The following STEEP1 variants were observed in gnomAD, a reference collection of about 807,000 sequenced individuals.
The protein encoded by STEEP1 is STING1 ER exit protein 1, also known as STING ER exit protein.
Under a neutral mutation model 19.2 loss-of-function variants are expected in STEEP1, and 3 were observed. That is an observed-to-expected ratio of 0.16 (90% confidence interval 0.07 to 0.40). The LOEUF (loss-of-function observed/expected upper bound fraction) is 0.40. STEEP1 is among the 10% of genes least tolerant of loss of function. The pLI is 0.99. For synonymous variants in STEEP1, 46 were observed against 63.7 expected (o/e 0.72, Z 1.32); for missense variants, 54 against 177.1 (o/e 0.30, Z 3.94).
chrX:119,540,097 C>T (rs1465160983), intron 6 of STEEP1, among the ~76,000 whole-genome samples: 2 of 111,730 alleles, frequency 1.8e-5, no homozygotes, highest in African/African-American at 3.2e-5. Flanking sequence ...CTGTGGCATA[C>T]CAGTATGCTA....
At chrX:119,553,545 G>A (rs1330249902) in intron 2 of STEEP1, among the ~76,000 whole-genome samples, 1 of 111,641 alleles carries the variant, frequency 9.0e-6, no homozygotes, top group Non-Finnish European at 1.9e-5. Flanking sequence ...TACAGACTGT[G>A]CTGACCATCA....
intron 5 of STEEP1, 59 bp downstream of exon 5, chrX:119,542,446 C>T (rs2053171411): frequency 9.5e-6 from 8 of 841,722 alleles, no homozygotes; most frequent in South Asian, 2.1e-5. Flanking sequence ...GCTCTAGAGT[C>T]CCCTTTCCTC....
intron 2 of STEEP1, among the ~76,000 whole-genome samples, chrX:119,557,064 G>A (rs2053283679): frequency 9.7e-6 from 1 of 103,011 alleles, no homozygotes; most frequent in African/African-American, 3.5e-5. Flanking sequence ...GCTGAGGCAG[G>A]AGGATCACTT....
chrX:119,539,106 T>C lies in STEEP1; in HGVS notation c.*621A>G, dbSNP rs1045055677. ...GAAGAAAGAATAAAAGCAGCCACTTTAGAGACTGGAGACACTCAAGCACTC... is the reference window on the plus strand; with the variant it reads ...GAAGAAAGAATAAAAGCAGCCACTTCAGAGACTGGAGACACTCAAGCACTC... On this transcript the variant is annotated 3_prime_UTR_variant, in exon 7 of 7. Transcript: ENST00000644802. The C allele has an allele frequency of 3.6e-5, 4 of 112,389 alleles. No homozygotes were observed. The highest frequency in any genetic ancestry group is 1.3e-4 in the African/African-American group (4 of 30,939). The allele number at this position is 112,389 out of a possible 1,213,427, so 9.3% of individuals were successfully genotyped here.
intron 4 of STEEP1, among the ~76,000 whole-genome samples, chrX:119,543,291 G>A (rs766815562): frequency 2.7e-5 from 3 of 110,111 alleles, no homozygotes; most frequent in African/African-American, 9.9e-5. Context: ...GGGTTCAAGC[G>A]ATTCTCCTGC....
intron 3 of STEEP1, among the ~76,000 whole-genome samples, chrX:119,544,709 G>T (rs915127097): frequency 2.7e-5 from 3 of 112,060 alleles, no homozygotes; most frequent in African/African-American, 9.7e-5. Context: ...GGGAGGCCGA[G>T]GCAGGTGGAT....
rs60520886 is a variant in STEEP1, at chrX:119,539,398, G to A, written c.*329C>T. The A allele has an allele frequency of 9.3e-3, 1,341 of 143,685 alleles. 20 individuals carry two copies. The highest frequency in any genetic ancestry group is 0.04 in the African/African-American group (1,265 of 31,482). The allele number at this position is 143,685 out of a possible 1,213,427, so 11.8% of individuals were successfully genotyped here. A position where few individuals can be genotyped will look rare whatever the true frequency, so the allele number is the denominator to read the frequency against. ...ATACAAAAATTAGCCAGGCGTGGTG[G>A]CACATGCCTGTAATCCCAGCTACTC... On this transcript the variant is annotated 3_prime_UTR_variant, in exon 7 of 7. Coordinates refer to ENST00000644802, the MANE Select transcript of STEEP1 (RefSeq NM_022101.4).
chrX:119,558,637 T>C (rs1380938274), intron 2 of STEEP1, among the ~76,000 whole-genome samples: 1 of 111,500 alleles, frequency 9.0e-6, no homozygotes, highest in Non-Finnish European at 1.9e-5. Flanking sequence ...GTTGCATGAA[T>C]GGATGGATTT....
Position 119,565,387 on chromosome X carries a change from C to A in STEEP1, c.-32G>T. 1 of 1,114,180 alleles carries A rather than the reference C, an allele frequency of 9.0e-7. No individual in the cohort carries two copies. Among genetic ancestry groups the A allele is most frequent in the Non-Finnish European group, 1.2e-6 (1 of 814,602 alleles). The allele number at this position is 1,114,180 out of a possible 1,213,427, so 91.8% of individuals were successfully genotyped here. On this transcript the variant is annotated 5_prime_UTR_variant, in exon 1 of 7. Transcript: ENST00000644802. ...CAAGAGCAATCTGAAAACTCTACGC[C>A]AAGAAGAGGGTCGCCCCGAAATGAC...
At chrX:119,556,238 T>C (rs1423573507) in intron 2 of STEEP1, among the ~76,000 whole-genome samples, 1 of 110,623 alleles carries the variant, frequency 9.0e-6, no homozygotes, top group Admixed American at 9.8e-5. Flanking sequence ...ATCTTAGTTG[T>C]TGGGGGGAAG....
chrX:119,545,262 A>G (rs1393989851), intron 3 of STEEP1, among the ~76,000 whole-genome samples: 7 of 107,979 alleles, frequency 6.5e-5, no homozygotes, highest in African/African-American at 2.4e-4. Context: ...CTGAGGCAGG[A>G]GAATCGCTTA....
intron 2 of STEEP1, among the ~76,000 whole-genome samples, chrX:119,546,492 A>C (rs1603305850): frequency 9.1e-6 from 1 of 110,239 alleles, no homozygotes; most frequent in Non-Finnish European, 1.9e-5. Flanking sequence ...TCCTTACAAC[A>C]ACTCTGTGAG....
At chrX:119,550,427 A>G (rs765966000) in intron 2 of STEEP1, among the ~76,000 whole-genome samples, 22 of 111,447 alleles carry the variant, frequency 2.0e-4, no homozygotes, top group Non-Finnish European at 3.6e-4. Flanking sequence ...TGGTTAACTG[A>G]TTTTCAACAA....
chrX:119,550,774 C>A (rs2053236879), intron 2 of STEEP1, among the ~76,000 whole-genome samples: 2 of 111,641 alleles, frequency 1.8e-5, no homozygotes, highest in Non-Finnish European at 3.8e-5. Flanking sequence ...GCGATTCTCT[C>A]CTACCTCAGC....
Position 119,549,662 on chromosome X carries a change from C to T in STEEP1, c.243-4158G>A, listed in dbSNP as rs143868702. Reference sequence around the variant, plus strand: ...GCTGGGAAGCATAAGAGCATGGCTCCGGCATTGGGCAAGGGCCTTCGTGCT... The same window carrying T: ...GCTGGGAAGCATAAGAGCATGGCTCTGGCATTGGGCAAGGGCCTTCGTGCT... On this transcript the variant is annotated intron_variant, in intron 2 of 6. Transcript: ENST00000644802. Among the ~76,000 whole-genome samples, 959 of 111,836 alleles carry T rather than the reference C, an allele frequency of 8.6e-3. 12 individuals are homozygous for T. Among genetic ancestry groups the T allele is most frequent in the African/African-American group, 0.03 (927 of 30,801 alleles).
At chrX:119,548,520 A>G in intron 2 of STEEP1, among the ~76,000 whole-genome samples, 1 of 83,431 alleles carries the variant, frequency 1.2e-5, no homozygotes, top group African/African-American at 4.9e-5. Flanking sequence ...GTGACAGAGT[A>G]AGACTCTGTC....
At chrX:119,563,659 G>A (rs2147364208) in intron 1 of STEEP1, among the ~76,000 whole-genome samples, 1 of 111,485 alleles carries the variant, frequency 9.0e-6, no homozygotes, top group African/African-American at 3.3e-5. Flanking sequence ...GCAGTGAGCT[G>A]AGACCGCGCC....
At position 119,540,428 on chromosome X, in the gene STEEP1, A is replaced by T. The variant is rs2053155141; in HGVS notation, c.607-639T>A. The stretch of plus-strand genomic sequence containing the variant: ...CAAGGTAAAGCAGCTCCCAGGACCC[A>T]CCACTTCTGTCACCAAAAACTCACT... On this transcript the variant is annotated intron_variant, in intron 6 of 6. Coordinates refer to ENST00000644802, the MANE Select transcript of STEEP1 (RefSeq NM_022101.4). Among the ~76,000 whole-genome samples, 3 of 111,725 alleles carry T rather than the reference A, an allele frequency of 2.7e-5. No individual in the cohort carries two copies. In the South Asian group the frequency reaches 1.1e-3, roughly 41 times the overall value.
chrX:119,541,700 G>A (rs1199317808), intron 5 of STEEP1, among the ~76,000 whole-genome samples: 3 of 111,886 alleles, frequency 2.7e-5, no homozygotes, highest in Non-Finnish European at 5.6e-5. Context: ...CACCTCCCGG[G>A]TTCAAGTGAT....
Sources: allele counts gnomAD v4.1 joint callset (sites outside exome capture counted in the v4.1 genomes callset), GRCh38; gene constraint gnomAD v4.1.1; transcripts MANE v1.5; gene names NCBI Gene and HGNC (gene_info 2026-07-23, HGNC 2026-07-21).